The following TRIM24 variants were observed in gnomAD, a reference collection of about 807,000 sequenced individuals.
TRIM24 encodes tripartite motif containing 24.
A neutral mutation model predicts 123.9 loss-of-function variants in TRIM24; 29 were observed. The observed-to-expected ratio is 0.23, with a 90% CI of 0.17 to 0.32. The LOEUF is 0.32. TRIM24 is among the 10% of genes least tolerant of loss of function. The probability of loss-of-function intolerance (pLI) is 1.00; values close to 1 mark genes in which losing one functional copy is unlikely to be tolerated. For synonymous variants in TRIM24, 456 were observed against 461.1 expected, an observed-to-expected ratio of 0.99 and a Z score of 0.14; for missense variants, 932 against 1,295.3, an observed-to-expected ratio of 0.72 and a Z score of 4.31.
chr7:138,586,031 G>T lies in TRIM24; in HGVS notation c.*1080G>T. On this transcript the variant is annotated 3_prime_UTR_variant, in exon 19 of 19. Transcript: ENST00000343526. ...TTTTTTCCTGAAGCATCTATCTCAT[G>T]TTTTTCTTTTGAGAGTCAGAACATC... 2 of 437,740 alleles carry T rather than the reference G, an allele frequency of 4.6e-6. No homozygotes were observed. Among genetic ancestry groups the T allele is most frequent in the African/African-American group, 2.1e-5 (1 of 48,570 alleles). 27.1% of individuals were successfully genotyped at this position (437,740 alleles called of 1,614,324 possible).
chr7:138,525,948 C>A (rs1347171088), intron 5 of TRIM24, among the ~76,000 whole-genome samples: 1 of 152,218 alleles, frequency 6.6e-6, no homozygotes, highest in African/African-American at 2.4e-5. Context: ...GGGAGAACCA[C>A]TAACCTCCAT....
chr7:138,497,609 G>T (rs944337537), intron 1 of TRIM24, among the ~76,000 whole-genome samples: 8 of 151,722 alleles, frequency 5.3e-5, no homozygotes, highest in African/African-American at 1.7e-4. Flanking sequence ...TGGCCAGGCT[G>T]GTCTCAAACT....
Position 138,490,929 on chromosome 7 carries a change from T to C in TRIM24, c.365-13361T>C, listed in dbSNP as rs1434475608. 5 of 372,756 alleles carry C rather than the reference T, an allele frequency of 1.3e-5. No individual in the cohort carries two copies. The East Asian group carries it at 3.0e-4, about 22-fold the overall frequency. 23.1% of individuals were successfully genotyped at this position (372,756 alleles called of 1,614,324 possible). On this transcript the variant is annotated intron_variant, in intron 1 of 18. Transcript: ENST00000343526. ...ATAAGAGATCTTCCGTATCTGATTG[T>C]TGGTTTTTTTAGTAAAACCAATACA...
At chr7:138,555,317 T>C (rs746914443) in intron 9 of TRIM24, among the ~76,000 whole-genome samples, 50 of 152,298 alleles carry the variant, frequency 3.3e-4, no homozygotes, top group Non-Finnish European at 5.9e-4. Flanking sequence ...ATTAAGAATC[T>C]GCCCTCTTTG....
intron 5 of TRIM24, among the ~76,000 whole-genome samples, chr7:138,526,862 A>C (rs921280960): frequency 6.6e-6 from 1 of 152,192 alleles, no homozygotes; most frequent in Non-Finnish European, 1.5e-5. Context: ...ATTTGTAATG[A>C]ATATTTATTG....
intron 6 of TRIM24, among the ~76,000 whole-genome samples, chr7:138,535,324 G>C (rs1010875579): frequency 6.6e-6 from 1 of 152,172 alleles, no homozygotes; most frequent in Non-Finnish European, 1.5e-5. Context: ...TGGTCTTTAT[G>C]ATTTGGCATG....
chr7:138,579,311 T>C lies in TRIM24; in HGVS notation c.2364T>C (p.Asp788=). The C allele has an allele frequency of 6.2e-7, 1 of 1,614,126 alleles. No individual in the cohort carries two copies. Among genetic ancestry groups the C allele is most frequent in the Non-Finnish European group, 8.5e-7 (1 of 1,179,990 alleles). The change falls in exon 15 of 19, where the codon GAT becomes GAC. Residue 788 remains aspartate, a synonymous_variant. Coordinates refer to ENST00000343526, the MANE Select transcript of TRIM24 (RefSeq NM_015905.3). ...LRSDAPDSTG[D]QPGLHQDNSS... ...CAGATGCCCCTGATAGTACAGGAGA[T>C]CAACCTGGACTTCACCAGGACAATT...
intron 17 of TRIM24, among the ~76,000 whole-genome samples, chr7:138,583,489 G>A (rs965798372): frequency 6.6e-5 from 10 of 152,108 alleles, no homozygotes; most frequent in Non-Finnish European, 1.2e-4. Context: ...CTATGTTAGC[G>A]CATGCCTGTA....
chr7:138,482,803 A>T (rs1293906094), intron 1 of TRIM24, among the ~76,000 whole-genome samples: 1 of 151,876 alleles, frequency 6.6e-6, no homozygotes, highest in East Asian at 1.9e-4. Context: ...GTGTCTCACT[A>T]TGTTGCCCAG....
rs1392810747 is a variant in TRIM24, at chr7:138,585,545, C to T, written c.*594C>T. On this transcript the variant is annotated 3_prime_UTR_variant, in exon 19 of 19. Coordinates refer to ENST00000343526, the MANE Select transcript of TRIM24 (RefSeq NM_015905.3). Reference sequence around the variant, plus strand: ...ATTAAGAAGGCACTTAATAGTACATCATGTAAGATGGCAACTGTATTAAAG... The same window carrying T: ...ATTAAGAAGGCACTTAATAGTACATTATGTAAGATGGCAACTGTATTAAAG... 4 of 354,038 alleles carry T rather than the reference C, an allele frequency of 1.1e-5. No homozygotes were observed. Among genetic ancestry groups the T allele is most frequent in the Non-Finnish European group, 2.1e-5 (4 of 186,780 alleles). The allele number at this position is 354,038 out of a possible 1,614,324, so 21.9% of individuals were successfully genotyped here.
chr7:138,521,390 G>A (rs1430395931), intron 4 of TRIM24, among the ~76,000 whole-genome samples: 1 of 152,152 alleles, frequency 6.6e-6, no homozygotes, highest in African/African-American at 2.4e-5. Context: ...AGGGTGAAAA[G>A]TACCAATATT....
chr7:138,533,587 C>A (rs1337942049), intron 6 of TRIM24, among the ~76,000 whole-genome samples: 1 of 152,168 alleles, frequency 6.6e-6, no homozygotes, highest in Non-Finnish European at 1.5e-5. Flanking sequence ...GGTGAATAAG[C>A]TTTTTGATGT....
At chr7:138,565,399 A>G (rs1584741584) in intron 9 of TRIM24, among the ~76,000 whole-genome samples, 1 of 150,956 alleles carries the variant, frequency 6.6e-6, no homozygotes, top group East Asian at 2.0e-4. Context: ...ACAATCCTGT[A>G]GTGCACTGTT....
At chr7:138,577,921 A>T (rs7806767) in intron 14 of TRIM24, among the ~76,000 whole-genome samples, 1 of 152,192 alleles carries the variant, frequency 6.6e-6, no homozygotes, top group East Asian at 1.9e-4. Flanking sequence ...TTATGTACTC[A>T]TTCTCAGGAA....
At chr7:138,580,479 T>C in intron 15 of TRIM24, 83 bp from the exon 16 acceptor site, 1 of 1,500,562 alleles carries the variant, frequency 6.7e-7, no homozygotes. Flanking sequence ...GTATCATAGA[T>C]GTCATGGAGG....
chr7:138,464,104 C>G (rs1253696690), intron 1 of TRIM24, among the ~76,000 whole-genome samples: 1 of 148,836 alleles, frequency 6.7e-6, no homozygotes, highest in East Asian at 2.0e-4. Context: ...AGGCCATTCT[C>G]CTGCCTCAGC....
At chr7:138,550,933 A>C (rs1171212069) in intron 7 of TRIM24, 130 bp from the exon 8 acceptor site, 5 of 654,278 alleles carry the variant, frequency 7.6e-6, no homozygotes, top group Non-Finnish European at 1.3e-5. Context: ...ATTGTGTTGT[A>C]TGTCCAACAA....
Position 138,585,044 on chromosome 7 carries a change from TTTGTG to T in TRIM24, c.*94_*98del. ...TTTAACATCACTACAAAAAGAAGAG[TTTGTG>T]ACTATTCTCATCTCTGTTTTGGACG... On this transcript the variant is annotated 3_prime_UTR_variant, in exon 19 of 19. Transcript: ENST00000343526. The T allele has an allele frequency of 1.8e-6, 2 of 1,106,708 alleles. No individual in the cohort carries two copies. Among genetic ancestry groups the T allele is most frequent in the Non-Finnish European group, 2.6e-6 (2 of 780,890 alleles). 68.6% of individuals were successfully genotyped at this position (1,106,708 alleles called of 1,614,324 possible).
chr7:138,559,426 G>T (rs1378361318), intron 9 of TRIM24, among the ~76,000 whole-genome samples: 3 of 152,148 alleles, frequency 2.0e-5, no homozygotes, highest in Non-Finnish European at 4.4e-5. Context: ...CCAGGAGGAG[G>T]TTGGATAAAG....
Sources: allele counts gnomAD v4.1 joint callset (sites outside exome capture counted in the v4.1 genomes callset), GRCh38; gene constraint gnomAD v4.1.1; transcripts MANE v1.5; gene names NCBI Gene and HGNC (gene_info 2026-07-23, HGNC 2026-07-21).